The following SLC22A23 variants were observed in gnomAD, a reference collection of about 807,000 sequenced individuals.
The protein encoded by SLC22A23 is solute carrier family 22 member 23.
A neutral mutation model predicts 61.0 loss-of-function variants in SLC22A23; 26 were observed. That is an observed-to-expected ratio of 0.43 (90% CI 0.31 to 0.59). SLC22A23 has a LOEUF of 0.59. SLC22A23 is among the 20% of genes least tolerant of loss of function. The pLI is 0.11. For missense variants in SLC22A23, 796 were observed against 934.7 expected (o/e 0.85, Z 1.94); for synonymous variants, 430 against 413.9 (o/e 1.04, Z -0.47).
At chr6:3,376,573 C>T (rs545521171) in intron 3 of SLC22A23, among the ~76,000 whole-genome samples, 2 of 152,212 alleles carry the variant, frequency 1.3e-5, no homozygotes, top group Non-Finnish European at 2.9e-5. Flanking sequence ...AAAGTTCATG[C>T]CGTTCTTTCC....
intron 4 of SLC22A23, among the ~76,000 whole-genome samples, chr6:3,314,115 T>C (rs928369875): frequency 2.6e-5 from 4 of 152,264 alleles, no homozygotes; most frequent in Admixed American, 2.0e-4. Flanking sequence ...CCATTTTTAT[T>C]GAGCCCTTAT....
intron 1 of SLC22A23, among the ~76,000 whole-genome samples, chr6:3,425,285 C>CT (rs33955202): frequency 0.015 from 1,768 of 115,824 alleles, 107 homozygotes; most frequent in African/African-American, 0.047. Context: ...ATGAATAATT[C>CT]TTTTTTTTTT....
intron 1 of SLC22A23, among the ~76,000 whole-genome samples, chr6:3,420,538 CAA>C (rs1770052393): frequency 6.6e-6 from 1 of 151,868 alleles, no homozygotes; most frequent in Non-Finnish European, 1.5e-5. Context: ...ATAAAATCTC[CAA>C]AGAGAAAAAC....
At chr6:3,373,975 A>G (rs1766395797) in intron 3 of SLC22A23, among the ~76,000 whole-genome samples, 2 of 152,212 alleles carry the variant, frequency 1.3e-5, no homozygotes, top group African/African-American at 4.8e-5. Context: ...TGTTATCTCC[A>G]TCTTTACAGA....
At chr6:3,402,593 CA>C (rs1768503249) in intron 3 of SLC22A23, among the ~76,000 whole-genome samples, 1 of 151,164 alleles carries the variant, frequency 6.6e-6, no homozygotes, top group African/African-American at 2.5e-5. Context: ...AGGCTCCAGC[CA>C]ACCCCAATCA....
intron 9 of SLC22A23, among the ~76,000 whole-genome samples, chr6:3,281,101 G>A (rs1265599306): frequency 2.0e-5 from 3 of 152,224 alleles, no homozygotes; most frequent in Non-Finnish European, 2.9e-5. Flanking sequence ...GGAGCATCCA[G>A]ATGGACAGTG....
At chr6:3,409,295 A>C (rs1210375241) in intron 3 of SLC22A23, among the ~76,000 whole-genome samples, 2 of 152,374 alleles carry the variant, frequency 1.3e-5, no homozygotes, top group Middle Eastern at 3.4e-3. Flanking sequence ...CTGTGACAAT[A>C]AAACTATGTC....
intron 1 of SLC22A23, among the ~76,000 whole-genome samples, chr6:3,419,917 C>T (rs920421500): frequency 1.3e-5 from 2 of 152,178 alleles, no homozygotes; most frequent in East Asian, 1.9e-4. Context: ...TCCTCCCTCT[C>T]CTGAACTAAT....
rs1340958365 is a variant in SLC22A23 at position 3,456,361 on chromosome 6, A to T, written c.199T>A (p.Cys67Ser). 1 of 1,546,020 alleles carries T rather than the reference A, an allele frequency of 6.5e-7. No homozygotes were observed. Among genetic ancestry groups the T allele is most frequent in the South Asian group, 1.2e-5 (1 of 83,988 alleles). ...HPGGGPHPSCCSAAAAPSLLL... is the reference protein window; with the variant it reads ...HPGGGPHPSCSSAAAAPSLLL... ...AGGCTCGGGGCCGCAGCCGCGGAGC[A>T]GCAGCTCGGGTGCGGGCCGCCTCCA... The change falls in exon 1 of 10, where the codon TGC (cysteine) becomes AGC (serine). Residue 67 changes from cysteine (C) to serine (S), a missense_variant. Cys to Ser is a moderately radical substitution (Grantham distance 112). Transcript: ENST00000406686. This position sits in a 1 kb window ranked among gnomAD's most constrained non-coding sequence, Gnocchi z 7.1.
At chr6:3,276,184 C>T (rs187352909) in intron 9 of SLC22A23, among the ~76,000 whole-genome samples, 5 of 152,324 alleles carry the variant, frequency 3.3e-5, no homozygotes, top group South Asian at 2.1e-4. Flanking sequence ...TGCCTTTTCT[C>T]CCTCTAATGT....
At chr6:3,430,683 A>G (rs1431693676) in intron 1 of SLC22A23, among the ~76,000 whole-genome samples, 1 of 152,192 alleles carries the variant, frequency 6.6e-6, no homozygotes, top group Non-Finnish European at 1.5e-5. Context: ...AGAAGGTGCT[A>G]TGAGTGTGCC....
intron 1 of SLC22A23, among the ~76,000 whole-genome samples, chr6:3,447,617 C>G (rs1416671686): frequency 7.9e-6 from 1 of 126,328 alleles, no homozygotes; most frequent in Non-Finnish European, 1.6e-5. Flanking sequence ...GAGACAGAGT[C>G]TTGCTCTGTT....
chr6:3,345,577 C>G (rs184319192), intron 3 of SLC22A23, among the ~76,000 whole-genome samples: 96 of 152,104 alleles, frequency 6.3e-4, no homozygotes, highest in African/African-American at 2.2e-3. Context: ...GTTGGCCAGG[C>G]TGGTCTCAAA....
chr6:3,455,318 C>G (rs1029888728), intron 1 of SLC22A23, among the ~76,000 whole-genome samples: 2 of 152,212 alleles, frequency 1.3e-5, no homozygotes, highest in Non-Finnish European at 2.9e-5. Flanking sequence ...CCTTCCTATA[C>G]TGTAGTGATG....
chr6:3,405,962 T>A (rs559238155), intron 3 of SLC22A23, among the ~76,000 whole-genome samples: 1 of 152,302 alleles, frequency 6.6e-6, no homozygotes, highest in African/African-American at 2.4e-5. Context: ...ATCCAATCAT[T>A]TAGGCTGTTT....
intron 1 of SLC22A23, among the ~76,000 whole-genome samples, chr6:3,420,677 A>T (rs541507173): frequency 6.6e-6 from 1 of 152,344 alleles, no homozygotes; most frequent in South Asian, 2.1e-4. Context: ...AATTATAAAG[A>T]CCTAAATTTG....
chr6:3,456,160 C>T lies in SLC22A23; in HGVS notation c.400G>A (p.Gly134Ser), dbSNP rs1456576096. 10 of 1,551,116 alleles carry T rather than the reference C, an allele frequency of 6.4e-6. No homozygotes were observed. The highest frequency in any genetic ancestry group is 8.7e-6 in the Non-Finnish European group (10 of 1,146,862). ...GTGGTGACCCCTGCCAGCTCGGTGC[C>T]TTTGCCGGCCCCGCGGCACCAGAAG... ...PNFWCRGAGK[G>S]TELAGVTTTG... Residue 134 changes from glycine to serine, a missense_variant, in exon 1 of 10, where the codon GGC becomes AGC. Coordinates refer to ENST00000406686, the MANE Select transcript of SLC22A23 (RefSeq NM_015482.2). This position sits in a 1 kb window ranked among gnomAD's most constrained non-coding sequence, Gnocchi z 7.1.
intron 3 of SLC22A23, among the ~76,000 whole-genome samples, chr6:3,382,747 C>A (rs1032029410): frequency 6.6e-6 from 1 of 152,184 alleles, no homozygotes; most frequent in East Asian, 1.9e-4. Flanking sequence ...AAACATATGG[C>A]CTGCAAAGCC....
Position 3,456,605 on chromosome 6 carries a change from G to C in SLC22A23, c.-46C>G. The C allele has an allele frequency of 1.0e-6, 1 of 974,718 alleles. No individual in the cohort carries two copies. The allele number at this position is 974,718 out of a possible 1,614,324, so 60.4% of individuals were successfully genotyped here. A position where few individuals can be genotyped will look rare whatever the true frequency, so the allele number is the denominator to read the frequency against. On this transcript the variant is annotated 5_prime_UTR_variant, in exon 1 of 10. Transcript: ENST00000406686. This position sits in a 1 kb window ranked among gnomAD's most constrained non-coding sequence, Gnocchi z 7.1. ...GCAGAGGCGCATAGAGCGCGGCGGAGGCTCCGCGGGCGCCCCGGGCACAGC... is the reference window on the plus strand; with the variant it reads ...GCAGAGGCGCATAGAGCGCGGCGGACGCTCCGCGGGCGCCCCGGGCACAGC...
Sources: gnomAD v4.1 joint callset for allele counts (sites outside exome capture counted in the v4.1 genomes callset) on GRCh38, gnomAD v4.1.1 for gene constraint, Gnocchi (gnomAD v3.1) non-coding constraint, MANE v1.5 for transcripts, NCBI Gene and HGNC (gene_info 2026-07-23, HGNC 2026-07-21) for gene names.